The following ATG2A variants were observed in gnomAD, a reference collection of about 807,000 sequenced individuals.
ATG2A encodes the protein autophagy-related protein 2 homolog A.
In ATG2A, 103 loss-of-function variants were observed where a neutral mutation model predicts 214.2. That is an observed-to-expected ratio of 0.48 (90% CI 0.41 to 0.57). The LOEUF (loss-of-function observed/expected upper bound fraction) is 0.57, where lower values mean the gene tolerates loss of function less well. Among genes scored for constraint, ATG2A ranks in the 20% least tolerant of loss-of-function variants. ATG2A has a pLI of 0.00. For synonymous variants in ATG2A, 1,160 were observed against 1,142.1 expected, an observed-to-expected ratio of 1.02 and a Z score of -0.32; for missense variants, 2,312 against 2,613.2, an observed-to-expected ratio of 0.88 and a Z score of 2.51.
At chr11:64,907,036 CCCATCCCG>C (rs1944577847) in intron 19 of ATG2A, among the ~76,000 whole-genome samples, 1 of 152,248 alleles carries the variant, frequency 6.6e-6, no homozygotes, top group Admixed American at 6.5e-5. Context: ...GTGCTCCATG[CCCATCCCG>C]ACCCCTAGCA....
chr11:64,917,191 T>A lies in ATG2A; in HGVS notation c.-56A>T. 6.5e-7 allele frequency: 1 copy of A among 1,532,350 alleles called. No homozygotes were observed. Among genetic ancestry groups the A allele is most frequent in the Non-Finnish European group, 8.8e-7 (1 of 1,137,630 alleles). 94.9% of individuals were successfully genotyped at this position (1,532,350 alleles called of 1,614,324 possible). A position where few individuals can be genotyped will look rare whatever the true frequency, so the allele number is the denominator to read the frequency against. ...GCTTGCCGCCCGCCGGCGATCCCCG[T>A]CCGGCTCCGCTGTTCACTAGAGCCC... On this transcript the variant is annotated 5_prime_UTR_variant, in exon 1 of 41. Coordinates refer to ENST00000377264, the MANE Select transcript of ATG2A (RefSeq NM_015104.3).
chr11:64,901,708 C>T (rs181305450), intron 29 of ATG2A, among the ~76,000 whole-genome samples: 1 of 152,252 alleles, frequency 6.6e-6, no homozygotes, highest in African/African-American at 2.4e-5. Context: ...TTGAATTTCC[C>T]AGTCCCTCTG....
intron 1 of ATG2A, among the ~76,000 whole-genome samples, chr11:64,915,800 C>T (rs1944958632): frequency 6.6e-6 from 1 of 152,112 alleles, no homozygotes; most frequent in Admixed American, 6.5e-5. Context: ...ATAGCGAAAT[C>T]CTGTCTCTAT....
At chr11:64,905,700 G>A (rs1319000780) in intron 23 of ATG2A, 42 bp downstream of exon 23, 6 of 1,613,578 alleles carry the variant, frequency 3.7e-6, no homozygotes, top group Non-Finnish European at 4.2e-6. Context: ...ACACCTGAGA[G>A]CCCATCCCCG....
rs767470525 is a variant in ATG2A, at chr11:64,913,465, A to G, written c.591-64T>C. The G allele has an allele frequency of 5.1e-5, 76 of 1,490,538 alleles. No individual in the cohort carries two copies. Among genetic ancestry groups the G allele is most frequent in the Non-Finnish European group, 6.3e-5 (70 of 1,115,544 alleles). The allele number at this position is 1,490,538 out of a possible 1,614,324, so 92.3% of individuals were successfully genotyped here. On this transcript the variant is annotated intron_variant, in intron 4 of 40. Coordinates refer to ENST00000377264, the MANE Select transcript of ATG2A (RefSeq NM_015104.3). This position sits in a 1 kb window ranked among gnomAD's most constrained non-coding sequence, Gnocchi z 4.3. ...AGGCCTGGAGCCCCTCTCTCCACAC[A>G]GTGCTCTGCTCTAGGGGCACGGGGT... is the stretch of plus-strand genomic sequence containing the variant.
chr11:64,911,009 C>G (rs973439776), intron 10 of ATG2A, 29 bp downstream of exon 10: 2 of 1,613,666 alleles, frequency 1.2e-6, no homozygotes, highest in African/African-American at 2.7e-5. Flanking sequence ...CTGATGGTCT[C>G]TCCTCAGGCC....
Position 64,900,620 on chromosome 11 carries a change from A to C in ATG2A, c.4338T>G (p.Thr1446=). 6.2e-7 allele frequency: 1 copy of C among 1,606,982 alleles called. No homozygotes were observed. The highest frequency in any genetic ancestry group is 8.5e-7 in the Non-Finnish European group (1 of 1,176,408). Reference sequence around the variant, plus strand: ...GGGAGCTCCTGGGACCTGAGAGGCCAGTTCTTGCCCTGGGAAGAGGGACAG... The same window carrying C: ...GGGAGCTCCTGGGACCTGAGAGGCCCGTTCTTGCCCTGGGAAGAGGGACAG... ...FGPHPGHRAR[T]GLSGPRSSPS... is the part of the protein sequence containing the mutation. The change falls in exon 31 of 41, where the codon ACT becomes ACG. Residue 1446 remains threonine (T), a synonymous_variant. Coordinates refer to ENST00000377264, the MANE Select transcript of ATG2A (RefSeq NM_015104.3).
In ATG2A at chr11:64,911,871, C is replaced by A. The variant is rs145947897; in HGVS notation, c.1199G>T (p.Arg400Leu). 2.0e-5 allele frequency: 32 copies of A among 1,613,114 alleles called. No individual in the cohort carries two copies. The Admixed American group carries it at 2.7e-4, about 13-fold the overall frequency. Residue 400 changes from arginine to leucine, a missense_variant, in exon 9 of 41, where the codon CGC becomes CTC. By Grantham distance (102) the Arg-to-Leu change is moderately radical. Transcript: ENST00000377264. The stretch of plus-strand genomic sequence containing the variant: ...TGGGTGGGCCTGGGCAGAGAGCCGG[C>A]GGGAGGCCATGTCGCTGCGCACAGA... ...ASSVRSDMAS[R>L]RLSAQAHPAG...
chr11:64,898,646 T>C lies in ATG2A; in HGVS notation c.4661A>G (p.His1554Arg), dbSNP rs1189357517. ...HTSERMPRRA[H>R]SNMLTIKALH... ...GCAGGTCGCTCATACCATGTTAGAG[T>C]GGGCACGTCGCGGCATCCGCTCACT... The change falls in exon 32 of 41, where the codon CAC becomes CGC. Residue 1554 changes from histidine (H) to arginine (R), a missense_variant. By Grantham distance (29) the His-to-Arg change is conservative (BLOSUM62 0). Transcript: ENST00000377264. The surrounding 1 kb of genome is among the most constrained non-coding windows in gnomAD (Gnocchi z 4.5). The C allele has an allele frequency of 3.7e-6, 6 of 1,613,548 alleles. No homozygotes were observed. The Admixed American group carries it at 5.0e-5, about 13-fold the overall frequency.
rs1944757302 is a variant in ATG2A, at chr11:64,911,139, A to G, written c.1365T>C (p.Phe455=). 6.2e-7 allele frequency: 1 copy of G among 1,614,104 alleles called. No homozygotes were observed. The highest frequency in any genetic ancestry group is 8.5e-7 in the Non-Finnish European group (1 of 1,180,012). The change falls in exon 10 of 41, where the codon TTT becomes TTC. Residue 455 remains phenylalanine, a synonymous_variant. Coordinates refer to ENST00000377264, the MANE Select transcript of ATG2A (RefSeq NM_015104.3). ...CCTTGGTGGCATCAAACTCGGTGAA[A>G]AAGTGCGTGGCGAGGTCAGGTGGTC... ...SSGPPDLATH[F]FTEFDATKDG...
chr11:64,907,158 C>A (rs1052679569), intron 19 of ATG2A, 97 bp downstream of exon 19: 6 of 1,379,392 alleles, frequency 4.3e-6, no homozygotes, highest in Non-Finnish European at 5.7e-6. Flanking sequence ...GCCTCCTGCT[C>A]TCCACATTCT....
rs546704934 is a variant in ATG2A, at chr11:64,898,060, C to A, written c.4858+26G>T. The A allele has an allele frequency of 1.3e-4, 207 of 1,612,696 alleles. 4 individuals are homozygous for A. In the South Asian group the frequency reaches 2.2e-3, roughly 17 times the overall value. On this transcript the variant is annotated intron_variant, in intron 34 of 40. Coordinates refer to ENST00000377264, the MANE Select transcript of ATG2A (RefSeq NM_015104.3). The surrounding 1 kb of genome is among the most constrained non-coding windows in gnomAD (Gnocchi z 4.5). ...TCCTGGGAGGCAGAAGGCCCAGACG[C>A]TCCCCTCCCTGGCCCAGCCTCTCAC...
In ATG2A at chr11:64,897,946, G is replaced by A; in HGVS notation, c.4887C>T (p.Ser1629=). 1 of 1,549,920 alleles carries A rather than the reference G, an allele frequency of 6.5e-7. No individual in the cohort carries two copies. The change falls in exon 35 of 41, where the codon AGC becomes AGT. Residue 1629 remains serine (S), a synonymous_variant. Coordinates refer to ENST00000377264, the MANE Select transcript of ATG2A (RefSeq NM_015104.3). The stretch of plus-strand genomic sequence containing the variant: ...CTTCGGCCTGCCCTTCCAGGGGGCT[G>A]CTGGGCTGGGCTCGAGTCTCGGGGC... ...EARPETRAQP[S]SPLEGQAEGV... is the part of the protein sequence containing the mutation.
Position 64,914,393 on chromosome 11 carries a change from G to C in ATG2A, c.279C>G (p.His93Gln). 6.2e-7 allele frequency: 1 copy of C among 1,612,002 alleles called. No homozygotes were observed. The highest frequency in any genetic ancestry group is 2.2e-5 in the East Asian group (1 of 44,868). Reference sequence around the variant, plus strand: ...GGAGGCCGGACACGCGCACTGTGCAGTGGTCGGTGAGCAGAGCAGCCCAGG... The same window carrying C: ...GGAGGCCGGACACGCGCACTGTGCACTGGTCGGTGAGCAGAGCAGCCCAGG... The part of the protein sequence containing the change: ...AVPWAALLTD[H>Q]CTVRVSGLQL... Residue 93 changes from histidine (H) to glutamine (Q), a missense_variant, in exon 2 of 41, where the codon CAC (histidine) becomes CAG (glutamine). Transcript: ENST00000377264.
intron 16 of ATG2A, 113 bp downstream of exon 16, chr11:64,908,878 C>A: frequency 3.2e-6 from 4 of 1,246,422 alleles, no homozygotes; most frequent in Non-Finnish European, 4.4e-6. Context: ...CAGCTCATGC[C>A]CACCCCAGGT....
In ATG2A at chr11:64,913,284, G is replaced by T; in HGVS notation, c.708C>A (p.Tyr236Ter). The change falls in exon 5 of 41, where the codon TAC becomes TAA. Residue 236 changes from tyrosine (Y) to a stop codon, truncating the protein, a stop_gained. Transcript: ENST00000377264. LOFTEE classifies it high-confidence loss of function. The surrounding 1 kb of genome is among the most constrained non-coding windows in gnomAD (Gnocchi z 4.3). Reference sequence around the variant, plus strand: ...CGCTCACCTGTGCCGGGAGCTCCTCGTAGTGCAGGCGGACCCCTGCCAGCT... The same window carrying T: ...CGCTCACCTGTGCCGGGAGCTCCTCTTAGTGCAGGCGGACCCCTGCCAGCT... ...LLQLAGVRLHYEELPAQEEPP... is the reference protein window; with the variant it reads ...LLQLAGVRLH 6.2e-7 allele frequency: 1 copy of T among 1,611,248 alleles called. No homozygotes were observed.
intron 24 of ATG2A, among the ~76,000 whole-genome samples, chr11:64,904,860 C>CTATCTATG (rs1944486097): frequency 6.6e-6 from 1 of 151,764 alleles, no homozygotes; most frequent in Admixed American, 6.6e-5. Context: ...ATCTATCTAT[C>CTATCTATG]TATGTATTTA....
chr11:64,913,468 G>A lies in ATG2A; in HGVS notation c.591-67C>T. On this transcript the variant is annotated intron_variant, in intron 4 of 40. Transcript: ENST00000377264. This position sits in a 1 kb window ranked among gnomAD's most constrained non-coding sequence, Gnocchi z 4.3. ...CCTGGAGCCCCTCTCTCCACACAGTGCTCTGCTCTAGGGGCACGGGGTCAG... is the reference window on the plus strand; with the variant it reads ...CCTGGAGCCCCTCTCTCCACACAGTACTCTGCTCTAGGGGCACGGGGTCAG... The A allele has an allele frequency of 5.4e-6, 8 of 1,485,730 alleles. No homozygotes were observed. Among genetic ancestry groups the A allele is most frequent in the Non-Finnish European group, 7.2e-6 (8 of 1,112,848 alleles). 92.0% of individuals were successfully genotyped at this position (1,485,730 alleles called of 1,614,324 possible). A position where few individuals can be genotyped will look rare whatever the true frequency, so the allele number is the denominator to read the frequency against.
Position 64,896,451 on chromosome 11 carries a change from C to A in ATG2A, c.5427+11G>T, listed in dbSNP as rs1944154439. The A allele has an allele frequency of 1.9e-6, 3 of 1,604,488 alleles. No homozygotes were observed. In the South Asian group the frequency reaches 3.3e-5, roughly 18 times the overall value. ...TGTCCTGCACAGCCCAGATACAGGG[C>A]ACCCACTCACCTGGATAGCCTGTAC... On this transcript the variant is annotated intron_variant, in intron 39 of 40. Transcript: ENST00000377264.
Sources: gnomAD v4.1 joint callset for allele counts (sites outside exome capture counted in the v4.1 genomes callset) on GRCh38, gnomAD v4.1.1 for gene constraint, Gnocchi (gnomAD v3.1) non-coding constraint, MANE v1.5 for transcripts, NCBI Gene and HGNC (gene_info 2026-07-23, HGNC 2026-07-21) for gene names.